TLE3: variants seen among roughly 807,000 people sequenced by gnomAD.
TLE3 encodes the protein transducin-like enhancer protein 3.
TLE3 carries 14 observed loss-of-function variants against 93.0 expected under a neutral mutation model. That is an observed-to-expected ratio of 0.15 (90% confidence interval 0.10 to 0.24). The LOEUF is 0.24. TLE3 is among the 10% of genes least tolerant of loss of function. The pLI is 1.00. For missense variants in TLE3, 693 were observed against 1,046.6 expected (o/e 0.66, Z 4.66); for synonymous variants, 451 against 425.0 (o/e 1.06, Z -0.75).
intron 7 of TLE3, among the ~76,000 whole-genome samples, chr15:70,064,798 C>T (rs922044036): frequency 8.6e-5 from 13 of 151,548 alleles, no homozygotes; most frequent in African/African-American, 3.1e-4. Context: ...TGCCAGAGGG[C>T]ACCAAGTTTA....
intron 3 of TLE3, 196 bp downstream of exon 3, chr15:70,095,382 T>TCA: frequency 6.9e-7 from 1 of 1,452,112 alleles, no homozygotes; most frequent in Non-Finnish European, 9.0e-7. Context: ...GCCCCTCCCC[T>TCA]CACTCACCCT....
chr15:70,055,085 T>C lies in TLE3; in HGVS notation c.1542A>G (p.Pro514=), dbSNP rs1387232872. 38 of 1,613,888 alleles carry C rather than the reference T, an allele frequency of 2.4e-5. No homozygotes were observed. Among genetic ancestry groups the C allele is most frequent in the Non-Finnish European group, 3.2e-5 (38 of 1,179,872 alleles). The change falls in exon 15 of 20, where the codon CCA becomes CCG. Residue 514 remains proline (P), a synonymous_variant. Transcript: ENST00000451782. ...GCVKIWDISQ[P]GSKSPISQLD... ...GCTGGGAGATGGGGCTCTTGCTGCC[T>C]GGCTGGCTGATGTCCCAGATCTTCA... is the stretch of plus-strand genomic sequence containing the variant.
chr15:70,096,742 G>T, intron 1 of TLE3, 33 bp downstream of exon 1: 1 of 1,612,190 alleles, frequency 6.2e-7, no homozygotes, highest in South Asian at 1.1e-5. Context: ...TGCCATGATA[G>T]ATGCTTAAAT....
intron 13 of TLE3, among the ~76,000 whole-genome samples, chr15:70,056,800 C>T (rs2173833): frequency 0.38 from 58,128 of 151,858 alleles, 12,206 homozygotes; most frequent in Middle Eastern, 0.61. Context: ...CTCGCTCTGC[C>T]GCCCAAGCTG....
In TLE3 at chr15:70,057,484, C is replaced by T. The variant is rs1266008291; in HGVS notation, c.1226G>A (p.Arg409Gln). Residue 409 changes from arginine (R) to glutamine (Q), a missense_variant, in exon 13 of 20, where the codon CGA (arginine) becomes CAA (glutamine). Coordinates refer to ENST00000451782, the MANE Select transcript of TLE3 (RefSeq NM_001105192.3). ...AAAAAAAAYG[R>Q]SPMVSFGAVG... Reference sequence around the variant, plus strand: ...AGCTCCAAAGCTCACCATTGGCGATCGGCCATAGGCAGCGGCTGCAGCAGC... The same window carrying T: ...AGCTCCAAAGCTCACCATTGGCGATTGGCCATAGGCAGCGGCTGCAGCAGC... 5.0e-6 allele frequency: 8 copies of T among 1,607,250 alleles called. No homozygotes were observed. The highest frequency in any genetic ancestry group is 3.3e-5 in the South Asian group (3 of 89,710).
rs779640205 is a variant in TLE3, at chr15:70,058,511, A to G, written c.918+152T>C. 6.7e-5 allele frequency: 88 copies of G among 1,317,108 alleles called. No homozygotes were observed. Among genetic ancestry groups the G allele is most frequent in the Non-Finnish European group, 8.7e-5 (85 of 981,444 alleles). The allele number at this position is 1,317,108 out of a possible 1,614,324, so 81.6% of individuals were successfully genotyped here. A position where few individuals can be genotyped will look rare whatever the true frequency, so the allele number is the denominator to read the frequency against. On this transcript the variant is annotated intron_variant, in intron 11 of 19. Coordinates refer to ENST00000451782, the MANE Select transcript of TLE3 (RefSeq NM_001105192.3). This position sits in a 1 kb window ranked among gnomAD's most constrained non-coding sequence, Gnocchi z 4.1. ...AACCGAGGCTCAGAAACGTTAACTC[A>G]TTAGCACAGGCCCAGCAGGCACAGA...
chr15:70,073,360 AAAGTC>A (rs1385706388), intron 6 of TLE3, among the ~76,000 whole-genome samples: 3 of 152,204 alleles, frequency 2.0e-5, no homozygotes, highest in Admixed American at 6.5e-5. Flanking sequence ...CCCAGGCGGA[AAAGTC>A]AAGAGTCATC....
intron 12 of TLE3, 40 bp from the exon 13 acceptor site, chr15:70,057,698 A>T (rs1433259395): frequency 6.5e-7 from 1 of 1,539,732 alleles, no homozygotes; most frequent in African/African-American, 1.4e-5. Flanking sequence ...CCTTAGGTGG[A>T]TTGGGACATG....
At chr15:70,060,748 GA>G in intron 8 of TLE3, 99 bp from the exon 9 acceptor site, 1 of 1,560,832 alleles carries the variant, frequency 6.4e-7, no homozygotes, top group Admixed American at 1.8e-5. Context: ...GAGGTCAGGG[GA>G]GGGAAGAGAA....
Position 70,058,376 on chromosome 15 carries a change from T to G in TLE3, c.919-85A>C. ...GGCACAACTGGTGCCGGTCCCAACG[T>G]GAAGCCCAGAGCCAGACCCTTATGA... On this transcript the variant is annotated intron_variant, in intron 11 of 19. Transcript: ENST00000451782. The surrounding 1 kb of genome is among the most constrained non-coding windows in gnomAD (Gnocchi z 4.1). 6.6e-7 allele frequency: 1 copy of G among 1,522,356 alleles called. No homozygotes were observed. The allele number at this position is 1,522,356 out of a possible 1,614,324, so 94.3% of individuals were successfully genotyped here. A position where few individuals can be genotyped will look rare whatever the true frequency, so the allele number is the denominator to read the frequency against.
At chr15:70,096,025 A>G in intron 2 of TLE3, 136 bp downstream of exon 2, 1 of 1,049,462 alleles carries the variant, frequency 9.5e-7, no homozygotes, top group Non-Finnish European at 1.3e-6. Context: ...CGGAAAGGGG[A>G]AACAAAAGGC....
chr15:70,074,496 T>G (rs370155149), intron 6 of TLE3, 37 bp downstream of exon 6: 1 of 1,597,286 alleles, frequency 6.3e-7, no homozygotes, highest in African/African-American at 1.3e-5. Context: ...AAAAGGGCTA[T>G]ACACACGGTA....
chr15:70,083,287 CT>C (rs1158284190), intron 4 of TLE3, among the ~76,000 whole-genome samples: 2 of 152,006 alleles, frequency 1.3e-5, no homozygotes. Context: ...ATTCCTCAGA[CT>C]TTCAGTTTCC....
At chr15:70,095,983 C>T in intron 2 of TLE3, 178 bp downstream of exon 2, 1 of 793,074 alleles carries the variant, frequency 1.3e-6, no homozygotes, top group Non-Finnish European at 1.9e-6. Flanking sequence ...AGCCGGGCTG[C>T]TGCGGGCAGT....
rs770403284 is a variant in TLE3, at chr15:70,050,223, G to A, written c.2203-19C>T. 1.7e-5 allele frequency: 27 copies of A among 1,600,782 alleles called. No individual in the cohort carries two copies. The highest frequency in any genetic ancestry group is 1.9e-5 in the Non-Finnish European group (22 of 1,168,108). On this transcript the variant is annotated intron_variant, in intron 19 of 19. Transcript: ENST00000451782. ...CTTTAGACTGGAGGAGGAAGACGAG[G>A]AGAAGCAGCAGGAAGGCGTGGGGTG...
chr15:70,085,127 G>A (rs966090842), intron 4 of TLE3, among the ~76,000 whole-genome samples: 1 of 152,220 alleles, frequency 6.6e-6, no homozygotes, highest in African/African-American at 2.4e-5. Flanking sequence ...CATCACTGAA[G>A]AAAGTTCTAC....
At chr15:70,061,209 C>T (rs758512285) in intron 8 of TLE3, among the ~76,000 whole-genome samples, 15 of 152,060 alleles carry the variant, frequency 9.9e-5, no homozygotes, top group Non-Finnish European at 2.1e-4. Flanking sequence ...TGAACACCCC[C>T]GCCTCCACGG....
intron 1 of TLE3, chr15:70,096,517 A>G: frequency 7.9e-7 from 1 of 1,261,040 alleles, no homozygotes; most frequent in Non-Finnish European, 1.1e-6. Context: ...AAGCCGGGTG[A>G]GTTGGGAGAC....
At chr15:70,088,214 C>T (rs966758680) in intron 4 of TLE3, among the ~76,000 whole-genome samples, 4 of 152,156 alleles carry the variant, frequency 2.6e-5, no homozygotes. Flanking sequence ...TCAGACTCTC[C>T]CATTACCTCC....
Sources: allele counts gnomAD v4.1 joint callset (sites outside exome capture counted in the v4.1 genomes callset), GRCh38; gene constraint gnomAD v4.1.1; non-coding constraint Gnocchi (gnomAD v3.1); transcripts MANE v1.5; gene names NCBI Gene and HGNC (gene_info 2026-07-23, HGNC 2026-07-21).